GALK2: variants seen among roughly 807,000 people sequenced by gnomAD.
The protein encoded by GALK2 is galactokinase 2.
A neutral mutation model predicts 52.4 loss-of-function variants in GALK2; 36 were observed. That is an observed-to-expected ratio of 0.69 (90% CI 0.53 to 0.91). GALK2 has a LOEUF of 0.91. Ranked by LOEUF, GALK2 falls within the 40% of genes least tolerant of loss-of-function variation. GALK2 has a pLI of 0.00. For synonymous variants in GALK2, 176 were observed against 199.1 expected, an observed-to-expected ratio of 0.88 and a Z score of 0.98; for missense variants, 579 against 559.1, an observed-to-expected ratio of 1.04 and a Z score of -0.36.
chr15:49,217,130 C>G, intron 2 of GALK2, 60 bp from the exon 3 acceptor site: 1 of 1,482,824 alleles, frequency 6.7e-7, no homozygotes, highest in African/African-American at 1.4e-5. Flanking sequence ...TGTAAACTTT[C>G]TTGAGGTGCT....
At chr15:49,365,342 A>G in intron 3 of GALK2, 2 of 1,554,440 alleles carry the variant, frequency 1.3e-6, no homozygotes, top group Non-Finnish European at 1.8e-6. Flanking sequence ...TGTAAGTATC[A>G]TGCCAATAGC....
intron 8 of GALK2, among the ~76,000 whole-genome samples, chr15:49,318,523 G>C (rs898331277): frequency 3.9e-5 from 6 of 152,064 alleles, no homozygotes; most frequent in African/African-American, 1.4e-4. Flanking sequence ...CTTAGAATCT[G>C]AGTTTTGATA....
At chr15:49,227,670 A>G (rs1022333666) in intron 3 of GALK2, among the ~76,000 whole-genome samples, 1 of 151,488 alleles carries the variant, frequency 6.6e-6, no homozygotes, top group African/African-American at 2.4e-5. Context: ...TATTCCTGTC[A>G]TTTTGTTAAT....
upstream of GALK2, chr15:49,170,051 T>G (rs184156669): frequency 1.8e-6 from 1 of 545,218 alleles, no homozygotes; most frequent in East Asian, 3.7e-5. Context: ...CAGGGGCTCC[T>G]GCGAGGCCCT....
chr15:49,205,315 A>G (rs2088186750), intron 2 of GALK2, among the ~76,000 whole-genome samples: 1 of 152,200 alleles, frequency 6.6e-6, no homozygotes, highest in South Asian at 2.1e-4. Flanking sequence ...ACTGTTTTCC[A>G]TAGCAGCTGT....
chr15:49,290,422 T>C (rs1291577197), intron 7 of GALK2, among the ~76,000 whole-genome samples: 3 of 152,222 alleles, frequency 2.0e-5, no homozygotes, highest in Non-Finnish European at 4.4e-5. Flanking sequence ...TAAAGTGGGA[T>C]ATTGCTGGAG....
At chr15:49,166,055 G>T (rs1595856276), upstream of GALK2, among the ~76,000 whole-genome samples, 1 of 151,948 alleles carries the variant, frequency 6.6e-6, no homozygotes, top group Non-Finnish European at 1.5e-5. Context: ...GCCCGCCTCG[G>T]CCTCCCAAAG....
intron 3 of GALK2, among the ~76,000 whole-genome samples, chr15:49,337,542 ATACTTT>A (rs1205660729): frequency 4.4e-5 from 2 of 45,050 alleles, no homozygotes; most frequent in Non-Finnish European, 8.5e-5. Flanking sequence ...TTTTAGTATT[ATACTTT>A]AAGTTCTGGG....
intron 5 of GALK2, among the ~76,000 whole-genome samples, chr15:49,260,410 GTTGT>G (rs1430973626): frequency 1.3e-5 from 2 of 149,270 alleles, no homozygotes; most frequent in Non-Finnish European, 1.5e-5. Flanking sequence ...TTTTCATGGG[GTTGT>G]TTGTTTTTTT....
chr15:49,315,589 T>C (rs1426870147), intron 8 of GALK2, among the ~76,000 whole-genome samples: 1 of 152,232 alleles, frequency 6.6e-6, no homozygotes, highest in Non-Finnish European at 1.5e-5. Flanking sequence ...TCCAAATCTG[T>C]TGTAGCTTTT....
chr15:49,336,105 G>A (rs1176696600), downstream of GALK2, among the ~76,000 whole-genome samples: 1 of 152,208 alleles, frequency 6.6e-6, no homozygotes, highest in Non-Finnish European at 1.5e-5. Flanking sequence ...ACCACACCCA[G>A]CTTTCATTTT....
intron 3 of GALK2, among the ~76,000 whole-genome samples, chr15:49,338,037 G>A (rs1438611413): frequency 2.6e-5 from 4 of 152,136 alleles, no homozygotes; most frequent in African/African-American, 7.2e-5. Context: ...GGATTGCTGG[G>A]TCAAATGGTA....
intron 2 of GALK2, among the ~76,000 whole-genome samples, chr15:49,207,086 T>G (rs891960509): frequency 6.6e-6 from 1 of 152,246 alleles, no homozygotes; most frequent in Non-Finnish European, 1.5e-5. Flanking sequence ...CTGCATCTAT[T>G]GAGATGATCA....
chr15:49,241,792 C>G (rs4393519), intron 5 of GALK2, among the ~76,000 whole-genome samples: 62,337 of 152,028 alleles, frequency 0.41, 12,934 homozygotes, highest in African/African-American at 0.43. Context: ...ATATACCTAT[C>G]TAAGAAATAG....
rs544082056 is a variant in GALK2 at position 49,159,704 on chromosome 15, A to G, written c.20+3688A>G. ...AGTTCTTTTAAGTTATATTTGTGAC[A>G]ATAATGTGTTCTCACCTATACATAC... On this transcript the variant is annotated intron_variant, in intron 1 of 9. Transcript: ENST00000327171. 1.9e-4 allele frequency among the ~76,000 whole-genome samples: 29 copies of G among 152,266 alleles called. 1 individual carries two copies. The East Asian group carries it at 3.1e-3, about 16-fold the overall frequency.
chr15:49,364,627 C>T (rs2044808084), intron 3 of GALK2, among the ~76,000 whole-genome samples: 1 of 151,930 alleles, frequency 6.6e-6, no homozygotes, highest in Non-Finnish European at 1.5e-5. Flanking sequence ...ACATTTATTC[C>T]AAAATTTTAT....
chr15:49,155,948 A>C (rs748242852), exon 1 of GALK2: 2 of 1,609,674 alleles, frequency 1.2e-6, no homozygotes, highest in Admixed American at 3.3e-5. Flanking sequence ...TTCCGGTGAA[A>C]GTAAGGGACA....
At chr15:49,276,031 A>G (rs2031601054) in intron 5 of GALK2, among the ~76,000 whole-genome samples, 1 of 152,188 alleles carries the variant, frequency 6.6e-6, no homozygotes, top group Admixed American at 6.5e-5. Context: ...GTGTCTCCTA[A>G]CTGTCCAGAG....
At chr15:49,252,304 C>A (rs1169161900) in intron 5 of GALK2, among the ~76,000 whole-genome samples, 1 of 152,106 alleles carries the variant, frequency 6.6e-6, no homozygotes, top group East Asian at 1.9e-4. Context: ...ACACACACAT[C>A]TTTCCCCTTG....
Sources: gnomAD v4.1 joint callset for allele counts (sites outside exome capture counted in the v4.1 genomes callset) on GRCh38, gnomAD v4.1.1 for gene constraint, MANE v1.5 for transcripts, NCBI Gene and HGNC (gene_info 2026-07-23, HGNC 2026-07-21) for gene names.